The following LEKR1 variants were observed in gnomAD, a reference collection of about 807,000 sequenced individuals.
LEKR1 encodes the protein protein LEKR1.
Under a neutral mutation model 72.4 loss-of-function variants are expected in LEKR1, and 59 were observed. The ratio of observed to expected loss-of-function variants is 0.82; its 90% confidence interval spans 0.66 to 1.01. The LOEUF (loss-of-function observed/expected upper bound fraction) is 1.01, where lower values mean the gene tolerates loss of function less well. LEKR1 is among the 50% of genes least tolerant of loss of function. The pLI is 0.00. For synonymous variants in LEKR1, 257 were observed against 263.2 expected (o/e 0.98, Z 0.23); for missense variants, 728 against 759.2 (o/e 0.96, Z 0.48).
At chr3:156,925,203 T>C (rs1724591557) in intron 4 of LEKR1, 1 of 152,106 alleles carries the variant, frequency 6.6e-6, no homozygotes, top group Admixed American at 6.5e-5. Context: ...TAATTTTATC[T>C]TGGGGATTGG....
At chr3:157,024,996 C>T in intron 11 of LEKR1, 72 bp downstream of exon 11, 1 of 1,009,454 alleles carries the variant, frequency 9.9e-7, no homozygotes, top group Admixed American at 2.3e-5. Context: ...CGCCTTAGAA[C>T]ACTACAGTAT....
In LEKR1 at chr3:156,997,477, G is replaced by T. The variant is rs144188567; in HGVS notation, c.1109+4200G>T. On this transcript the variant is annotated intron_variant, in intron 9 of 12. Transcript: ENST00000356539. ...AGAGATGCTTGATAATACCCTAGGA[G>T]ATTCTGGTTCAGTAGGTCTGGGTAG... 9.7e-3 allele frequency among the ~76,000 whole-genome samples: 1,476 copies of T among 152,320 alleles called. 10 individuals carry two copies. The highest frequency in any genetic ancestry group is 0.012 in the Non-Finnish European group (799 of 68,030).
Position 156,854,103 on chromosome 3 carries a change from G to A in LEKR1, c.263+1121G>A, listed in dbSNP as rs535472482. 2.2e-5 allele frequency among the ~76,000 whole-genome samples: 3 copies of A among 138,634 alleles called. No homozygotes were observed. In the East Asian group the frequency reaches 6.3e-4, roughly 29 times the overall value. The allele number at this position is 138,634 out of a possible 152,430, so 90.9% of individuals were successfully genotyped here. A position where few individuals can be genotyped will look rare whatever the true frequency, so the allele number is the denominator to read the frequency against. Reference sequence around the variant, plus strand: ...TATTCTTACTGGTACCCTGCTGATTGTACTGATTGTATTCTTACTGGAGGT... The same window carrying A: ...TATTCTTACTGGTACCCTGCTGATTATACTGATTGTATTCTTACTGGAGGT... On this transcript the variant is annotated intron_variant, in intron 3 of 12. Coordinates refer to ENST00000356539, the MANE Select transcript of LEKR1 (RefSeq NM_001004316.3).
intron 3 of LEKR1, among the ~76,000 whole-genome samples, chr3:156,918,327 C>T (rs934053985): frequency 6.6e-6 from 1 of 152,102 alleles, no homozygotes; most frequent in Admixed American, 6.6e-5. Context: ...AGGACGACAC[C>T]TTCCATCTGC....
Position 157,033,056 on chromosome 3 carries a change from T to A in LEKR1, c.1668+4654T>A, listed in dbSNP as rs147934875. On this transcript the variant is annotated intron_variant, in intron 12 of 12. Coordinates refer to ENST00000356539, the MANE Select transcript of LEKR1 (RefSeq NM_001004316.3). ...TGGTGCCTATATAAGACAGCAAACTTAATAGATAAATGTTGTGTGTGTTCG... is the reference window on the plus strand; with the variant it reads ...TGGTGCCTATATAAGACAGCAAACTAAATAGATAAATGTTGTGTGTGTTCG... 3.9e-3 allele frequency among the ~76,000 whole-genome samples: 588 copies of A among 152,310 alleles called. 2 individuals are homozygous for A. The highest frequency in any genetic ancestry group is 0.013 in the African/African-American group (526 of 41,572).
At chr3:157,041,744 T>C (rs972222708) in intron 12 of LEKR1, among the ~76,000 whole-genome samples, 1 of 151,962 alleles carries the variant, frequency 6.6e-6, no homozygotes, top group African/African-American at 2.4e-5. Flanking sequence ...GATAATTTTA[T>C]CTAAAACATA....
chr3:156,944,518 A>G (rs1726511125), intron 6 of LEKR1, among the ~76,000 whole-genome samples: 1 of 151,584 alleles, frequency 6.6e-6, no homozygotes, highest in African/African-American at 2.4e-5. Context: ...CTGTCTAACC[A>G]TATATTTGTA....
intron 3 of LEKR1, among the ~76,000 whole-genome samples, chr3:156,900,707 T>C (rs930883940): frequency 1.3e-5 from 2 of 152,082 alleles, no homozygotes; most frequent in Non-Finnish European, 2.9e-5. Flanking sequence ...TTTGCTAGAG[T>C]ATTTGGCTTA....
At chr3:156,991,950 G>GT (rs1385335557) in intron 7 of LEKR1, among the ~76,000 whole-genome samples, 1 of 152,140 alleles carries the variant, frequency 6.6e-6, no homozygotes, top group African/African-American at 2.4e-5. Flanking sequence ...AAAAAATATT[G>GT]TTGTCGTTGT....
Position 157,024,051 on chromosome 3 carries a change from G to C in LEKR1, c.1204-709G>C, listed in dbSNP as rs562308322. ...CCCTCATGATCACATGGATGACTGG[G>C]AGCTGTGGCCCACTGACACTGCCTA... On this transcript the variant is annotated intron_variant, in intron 10 of 12. Transcript: ENST00000356539. 5.3e-4 allele frequency among the ~76,000 whole-genome samples: 80 copies of C among 152,264 alleles called. 2 individuals carry two copies. In the South Asian group the frequency reaches 0.016, roughly 31 times the overall value.
chr3:156,977,435 C>T, intron 6 of LEKR1: 1 of 498,378 alleles, frequency 2.0e-6, no homozygotes, highest in South Asian at 1.5e-5. Flanking sequence ...AGAAATGTCA[C>T]CCCCCCTTAA....
intron 7 of LEKR1, among the ~76,000 whole-genome samples, chr3:156,982,880 TAG>T (rs1730345044): frequency 1.3e-5 from 2 of 150,684 alleles, no homozygotes; most frequent in African/African-American, 4.9e-5. Context: ...GATAGATAGA[TAG>T]ATAGATAGAT....
At chr3:156,920,467 A>G in intron 3 of LEKR1, 108 bp from the exon 4 acceptor site, 1 of 687,546 alleles carries the variant, frequency 1.5e-6, no homozygotes, top group Non-Finnish European at 2.3e-6. Context: ...TATAAGAGAC[A>G]TAGTTTCTTC....
chr3:156,942,627 A>G lies in LEKR1; in HGVS notation c.658A>G (p.Ile220Val), dbSNP rs1426494818. 1.6e-6 allele frequency: 2 copies of G among 1,269,264 alleles called. No homozygotes were observed. Among genetic ancestry groups the G allele is most frequent in the East Asian group, 1.2e-4 (2 of 17,210 alleles). The allele number at this position is 1,269,264 out of a possible 1,614,324, so 78.6% of individuals were successfully genotyped here. The change falls in exon 6 of 13, where the codon ATA (isoleucine) becomes GTA (valine). Residue 220 changes from isoleucine to valine, a missense_variant. By Grantham distance (29) the Ile-to-Val change is conservative. Coordinates refer to ENST00000356539, the MANE Select transcript of LEKR1 (RefSeq NM_001004316.3). ...KNLKLLSDAAILRSQQIRTSR... is the reference protein window; with the variant it reads ...KNLKLLSDAAVLRSQQIRTSR... ...TCTGAAATTGTTGTCAGATGCAGCC[A>G]TATTGAGATCTCAGCAGATTCGGAC...
intron 7 of LEKR1, among the ~76,000 whole-genome samples, chr3:156,982,905 AGATG>A (rs1352142077): frequency 2.6e-3 from 356 of 137,978 alleles, no homozygotes; most frequent in African/African-American, 2.4e-3. Flanking sequence ...ATAGATAGAT[AGATG>A]GAAGAGCTAG....
chr3:156,980,425 G>C (rs1396518898), intron 7 of LEKR1, among the ~76,000 whole-genome samples: 2 of 152,184 alleles, frequency 1.3e-5, no homozygotes, highest in Non-Finnish European at 2.9e-5. Context: ...AGTACAGTAA[G>C]TATAGTAGTT....
intron 3 of LEKR1, among the ~76,000 whole-genome samples, chr3:156,859,520 C>A (rs1037407080): frequency 1.3e-5 from 2 of 152,154 alleles, no homozygotes; most frequent in African/African-American, 2.4e-5. Context: ...ACAGTCCCCA[C>A]ACTCACACAG....
intron 9 of LEKR1, among the ~76,000 whole-genome samples, chr3:156,997,710 A>G (rs1279743223): frequency 6.6e-6 from 1 of 152,214 alleles, no homozygotes; most frequent in Non-Finnish European, 1.5e-5. Flanking sequence ...TGAGGTCACA[A>G]ATTGTGCAGT....
intron 3 of LEKR1, among the ~76,000 whole-genome samples, chr3:156,882,660 C>T (rs1719543063): frequency 6.6e-6 from 1 of 152,074 alleles, no homozygotes; most frequent in South Asian, 2.1e-4. Context: ...GGGTATATAC[C>T]CAAAGGACTA....
Sources: gnomAD v4.1 joint callset for allele counts (sites outside exome capture counted in the v4.1 genomes callset) on GRCh38, gnomAD v4.1.1 for gene constraint, MANE v1.5 for transcripts, NCBI Gene and HGNC (gene_info 2026-07-23, HGNC 2026-07-21) for gene names.